The following ROBO2 variants were observed in gnomAD, a reference collection of about 807,000 sequenced individuals.
The protein encoded by ROBO2 is roundabout homolog 2.
A neutral mutation model predicts 160.8 loss-of-function variants in ROBO2; 53 were observed. The observed-to-expected ratio is 0.33, with a 90% confidence interval of 0.26 to 0.41. The LOEUF is 0.41. ROBO2 is among the 10% of genes least tolerant of loss of function. ROBO2 has a pLI of 1.00. For missense variants in ROBO2, 1,577 were observed against 1,722.4 expected (o/e 0.92, Z 1.49); for synonymous variants, 664 against 611.7 (o/e 1.09, Z -1.26).
At chr3:76,248,798 C>T (rs2107544006) in intron 2 of ROBO2, among the ~76,000 whole-genome samples, 1 of 152,154 alleles carries the variant, frequency 6.6e-6, no homozygotes, top group South Asian at 2.1e-4. Flanking sequence ...TTACTTCCCT[C>T]TCTAAACCCT....
At chr3:75,976,663 A>G (rs1047834610) in intron 2 of ROBO2, among the ~76,000 whole-genome samples, 2 of 151,624 alleles carry the variant, frequency 1.3e-5, no homozygotes, top group Non-Finnish European at 3.0e-5. Flanking sequence ...ACAAAGAAAG[A>G]ATGGGTATTT....
At chr3:77,192,650 C>CTTTTTTTTTT (rs71629633) in intron 2 of ROBO2, among the ~76,000 whole-genome samples, 8 of 110,008 alleles carry the variant, frequency 7.3e-5, no homozygotes, top group Admixed American at 1.1e-4. Context: ...AACACAATTC[C>CTTTTTTTTTT]TTTTTTTTTT....
chr3:77,098,070 G>A lies in ROBO2; in HGVS notation c.118G>A (p.Val40Ile), dbSNP rs922851643. 1.9e-6 allele frequency: 3 copies of A among 1,599,674 alleles called. No homozygotes were observed. In the African/African-American group the frequency reaches 4.0e-5, roughly 21 times the overall value. ...GCGGATTGTGGAGCATCCTTCCGAT[G>A]TCATCGTCTCTAAGGGCGAGCCCAC... The change falls in exon 2 of 26, where the codon GTC becomes ATC. Residue 40 changes from valine (V) to isoleucine (I), a missense_variant. Val to Ile is a conservative substitution (Grantham distance 29, BLOSUM62 3). This residue lies in a region of ROBO2 where 940 missense variants were observed against 1,135.5 expected (regional missense o/e 0.83). Transcript: ENST00000461745.
At chr3:76,226,080 A>C (rs145529136) in intron 2 of ROBO2, among the ~76,000 whole-genome samples, 5,950 of 152,250 alleles carry the variant, frequency 0.039, 345 homozygotes, top group African/African-American at 0.12. Flanking sequence ...GGAAGCTTTG[A>C]AAATAAATTC....
At chr3:77,598,086 T>C (rs1360755051) in intron 19 of ROBO2, among the ~76,000 whole-genome samples, 1 of 152,158 alleles carries the variant, frequency 6.6e-6, no homozygotes, top group East Asian at 1.9e-4. Context: ...ATGAATTCTC[T>C]GTAAGATTTC....
chr3:76,104,001 C>T (rs1259706390), intron 2 of ROBO2, among the ~76,000 whole-genome samples: 1 of 152,156 alleles, frequency 6.6e-6, no homozygotes, highest in Admixed American at 6.5e-5. Flanking sequence ...GCATGTTTCA[C>T]TTTCCCTGTA....
At chr3:76,633,805 A>C (rs1310265207) in intron 2 of ROBO2, among the ~76,000 whole-genome samples, 2 of 152,240 alleles carry the variant, frequency 1.3e-5, no homozygotes, top group African/African-American at 4.8e-5. Flanking sequence ...TAATTTAATC[A>C]AGAACAACCA....
chr3:75,956,718 G>A (rs1017380945), intron 2 of ROBO2, among the ~76,000 whole-genome samples: 27 of 151,606 alleles, frequency 1.8e-4, no homozygotes, highest in Non-Finnish European at 1.3e-4. Context: ...AAATGTAAGT[G>A]TCATGCAGGC....
intron 2 of ROBO2, among the ~76,000 whole-genome samples, chr3:76,409,672 T>C (rs2075387572): frequency 6.6e-6 from 1 of 152,204 alleles, no homozygotes. Flanking sequence ...CTAAGCTCTG[T>C]TCCTTAATAA....
chr3:77,081,848 C>G (rs1025549387), intron 1 of ROBO2, among the ~76,000 whole-genome samples: 2 of 152,146 alleles, frequency 1.3e-5, no homozygotes, highest in Non-Finnish European at 1.5e-5. Context: ...TCCCCAAACT[C>G]CAATGCTTGG....
chr3:77,573,356 G>C (rs1344925735), intron 13 of ROBO2, among the ~76,000 whole-genome samples: 1 of 151,622 alleles, frequency 6.6e-6, no homozygotes, highest in Non-Finnish European at 1.5e-5. Flanking sequence ...TTTTAATCTT[G>C]CATTTTTATA....
chr3:76,268,498 A>G (rs1052171450), intron 2 of ROBO2, among the ~76,000 whole-genome samples: 3 of 152,064 alleles, frequency 2.0e-5, no homozygotes, highest in Non-Finnish European at 4.4e-5. Flanking sequence ...TCACTTGCAG[A>G]TGGCCACCCT....
intron 1 of ROBO2, among the ~76,000 whole-genome samples, chr3:77,044,297 A>T (rs2064402581): frequency 6.6e-6 from 1 of 152,208 alleles, no homozygotes; most frequent in African/African-American, 2.4e-5. Flanking sequence ...TGGGATACAT[A>T]CATAGCAATG....
chr3:76,627,624 T>A (rs2089742158), intron 2 of ROBO2, among the ~76,000 whole-genome samples: 1 of 152,156 alleles, frequency 6.6e-6, no homozygotes, highest in Non-Finnish European at 1.5e-5. Context: ...TTACATTTAC[T>A]AAGCTTCAAT....
chr3:76,025,504 T>G, intron 2 of ROBO2, among the ~76,000 whole-genome samples: 1 of 151,912 alleles, frequency 6.6e-6, no homozygotes. Context: ...GAGCTGTGGA[T>G]TAGATATCAA....
intron 2 of ROBO2, among the ~76,000 whole-genome samples, chr3:77,362,744 T>C (rs1368354048): frequency 6.6e-6 from 1 of 152,110 alleles, no homozygotes; most frequent in African/African-American, 2.4e-5. Context: ...GAAAGAGGAT[T>C]AATTGACTCC....
chr3:76,929,414 T>C (rs2077195305), intron 2 of ROBO2, among the ~76,000 whole-genome samples: 2 of 152,184 alleles, frequency 1.3e-5, no homozygotes, highest in East Asian at 1.9e-4. Flanking sequence ...CCAGTACCTG[T>C]TCTGTCCACA....
chr3:77,591,279 C>T (rs927201699), intron 17 of ROBO2, among the ~76,000 whole-genome samples: 10 of 151,982 alleles, frequency 6.6e-5, no homozygotes, highest in African/African-American at 1.4e-4. Context: ...AACAGCTTAT[C>T]GGGAAAGGGA....
intron 2 of ROBO2, among the ~76,000 whole-genome samples, chr3:76,413,301 AC>A (rs1465265282): frequency 6.6e-6 from 1 of 152,208 alleles, no homozygotes; most frequent in Non-Finnish European, 1.5e-5. Flanking sequence ...TTGGGGATTA[AC>A]ATATCATGTC....
Sources: allele counts gnomAD v4.1 joint callset (sites outside exome capture counted in the v4.1 genomes callset), GRCh38; gene constraint gnomAD v4.1.1; regional missense constraint gnomAD v4.1.1; transcripts MANE v1.5; gene names NCBI Gene and HGNC (gene_info 2026-07-23, HGNC 2026-07-21).